Variants in TMEM132B observed in about 807,000 individuals in gnomAD.
TMEM132B encodes transmembrane protein 132B.
TMEM132B carries 18 observed loss-of-function variants against 90.8 expected under a neutral mutation model. That is an observed-to-expected ratio of 0.20 (90% confidence interval 0.14 to 0.29). TMEM132B has a LOEUF of 0.29. TMEM132B is among the 10% of genes least tolerant of loss of function. The pLI is 1.00. For synonymous variants in TMEM132B, 504 were observed against 523.3 expected (o/e 0.96, Z 0.50); for missense variants, 1,096 against 1,326.8 (o/e 0.83, Z 2.70).
intron 3 of TMEM132B, among the ~76,000 whole-genome samples, chr12:125,471,341 A>G (rs185032537): frequency 5.9e-5 from 9 of 152,354 alleles, no homozygotes; most frequent in Admixed American, 1.3e-4. Flanking sequence ...CTATGAACAC[A>G]GACTTTGGCC....
chr12:125,295,858 C>T (rs774222356), intron 1 of TMEM132B, among the ~76,000 whole-genome samples: 2 of 152,154 alleles, frequency 1.3e-5, no homozygotes, highest in African/African-American at 2.4e-5. Context: ...TTAAATAAAA[C>T]GATGCATAAC....
intron 4 of TMEM132B, among the ~76,000 whole-genome samples, chr12:125,546,952 C>T (rs998245733): frequency 2.0e-5 from 3 of 152,176 alleles, no homozygotes; most frequent in African/African-American, 7.2e-5. Context: ...GAAGGCACCT[C>T]TTCACAGGGC....
intron 1 of TMEM132B, among the ~76,000 whole-genome samples, chr12:125,270,118 G>A (rs1434363635): frequency 1.3e-5 from 2 of 149,190 alleles, no homozygotes; most frequent in Non-Finnish European, 3.0e-5. Flanking sequence ...TTTGTTGTGT[G>A]TGTGTGTGTG....
At chr12:125,652,374 C>T in intron 7 of TMEM132B, 67 bp from the exon 8 acceptor site, 2 of 1,442,084 alleles carry the variant, frequency 1.4e-6, no homozygotes, top group Admixed American at 2.4e-5. Context: ...TGTTGGGAGC[C>T]CCAGTTAAGG....
chr12:125,315,165 T>C (rs1876231338), intron 1 of TMEM132B, among the ~76,000 whole-genome samples: 1 of 152,264 alleles, frequency 6.6e-6, no homozygotes, highest in Admixed American at 6.5e-5. Flanking sequence ...CTGATGATGC[T>C]GTGCCTACGC....
chr12:125,620,681 C>T (rs554201130), intron 5 of TMEM132B, among the ~76,000 whole-genome samples: 1 of 152,340 alleles, frequency 6.6e-6, no homozygotes, highest in Non-Finnish European at 1.5e-5. Flanking sequence ...CACAGTTCAG[C>T]ATGCCTGGGA....
intron 3 of TMEM132B, among the ~76,000 whole-genome samples, chr12:125,433,513 T>A (rs1450591823): frequency 2.6e-5 from 3 of 116,798 alleles, no homozygotes; most frequent in Non-Finnish European, 4.9e-5. Context: ...TTTTCTTTTT[T>A]TTTTTTTGTC....
At chr12:125,424,964 G>A (rs558364664) in intron 3 of TMEM132B, among the ~76,000 whole-genome samples, 50 of 152,288 alleles carry the variant, frequency 3.3e-4, no homozygotes, top group African/African-American at 1.2e-3. Flanking sequence ...CCACATATCA[G>A]GGGTGGGAGA....
chr12:125,629,819 A>G (rs112789704), intron 5 of TMEM132B, among the ~76,000 whole-genome samples: 28 of 151,988 alleles, frequency 1.8e-4, no homozygotes, highest in African/African-American at 6.0e-4. Context: ...TTCCTTGTAT[A>G]CTCAGTTTTT....
chr12:125,219,932 G>A (rs1293090790), intron 1 of TMEM132B, among the ~76,000 whole-genome samples: 2 of 152,142 alleles, frequency 1.3e-5, no homozygotes, highest in South Asian at 2.1e-4. Flanking sequence ...CATCAATAGC[G>A]ACAGCTAACA....
At chr12:125,356,091 C>T (rs1157379026) in intron 2 of TMEM132B, among the ~76,000 whole-genome samples, 1 of 152,118 alleles carries the variant, frequency 6.6e-6, no homozygotes, top group Non-Finnish European at 1.5e-5. Context: ...TGAAATTCTG[C>T]CCCCTCCAAA....
intron 3 of TMEM132B, among the ~76,000 whole-genome samples, chr12:125,446,544 C>T (rs1881009958): frequency 6.6e-6 from 1 of 152,094 alleles, no homozygotes; most frequent in East Asian, 1.9e-4. Context: ...GACCTTTAGT[C>T]TCTTCTAGAC....
At chr12:125,398,445 T>C (rs1879224910) in intron 2 of TMEM132B, among the ~76,000 whole-genome samples, 1 of 152,166 alleles carries the variant, frequency 6.6e-6, no homozygotes, top group Admixed American at 6.5e-5. Flanking sequence ...TCTAAGTCAA[T>C]GCAGAGAAAA....
chr12:125,454,177 AT>A (rs1308754765), intron 3 of TMEM132B, among the ~76,000 whole-genome samples: 1 of 152,178 alleles, frequency 6.6e-6, no homozygotes, highest in African/African-American at 2.4e-5. Context: ...CAAAGTTATC[AT>A]TATGACAACT....
intron 1 of TMEM132B, among the ~76,000 whole-genome samples, chr12:125,252,841 C>T (rs992379293): frequency 6.6e-5 from 10 of 152,168 alleles, no homozygotes; most frequent in African/African-American, 1.9e-4. Flanking sequence ...TCTGTGCACT[C>T]GCTGGGGAAA....
At chr12:125,417,950 G>A (rs552671817) in intron 3 of TMEM132B, among the ~76,000 whole-genome samples, 3 of 152,178 alleles carry the variant, frequency 2.0e-5, no homozygotes, top group Non-Finnish European at 2.9e-5. Flanking sequence ...GGCAGAGAGT[G>A]GGGGAGGGAT....
At chr12:125,237,189 A>G (rs1391274225) in intron 1 of TMEM132B, among the ~76,000 whole-genome samples, 2 of 152,144 alleles carry the variant, frequency 1.3e-5, no homozygotes, top group Non-Finnish European at 2.9e-5. Context: ...AGAGAGAGGT[A>G]GGTGTTCCAG....
Position 125,656,204 on chromosome 12 carries a change from G to A in TMEM132B, c.*1494G>A, listed in dbSNP as rs1887056358. 1 of 152,164 alleles carries A rather than the reference G, an allele frequency of 6.6e-6. No homozygotes were observed. Among genetic ancestry groups the A allele is most frequent in the African/African-American group, 2.4e-5 (1 of 41,444 alleles). 9.4% of individuals were successfully genotyped at this position (152,164 alleles called of 1,614,324 possible). ...TTGTATTATTGGAAATGTAGACACT[G>A]GACTAGTATGCCTCATTATGAGCTT... On this transcript the variant is annotated 3_prime_UTR_variant, in exon 9 of 9. Coordinates refer to ENST00000682704, the MANE Select transcript of TMEM132B (RefSeq NM_001366854.1).
chr12:125,214,521 G>A (rs1044271767), intron 1 of TMEM132B, among the ~76,000 whole-genome samples: 4 of 152,186 alleles, frequency 2.6e-5, no homozygotes, highest in Non-Finnish European at 4.4e-5. Context: ...CCTAGGTCAT[G>A]TGCCTTCTCC....
Sources: allele counts gnomAD v4.1 joint callset (sites outside exome capture counted in the v4.1 genomes callset), GRCh38; gene constraint gnomAD v4.1.1; transcripts MANE v1.5; gene names NCBI Gene and HGNC (gene_info 2026-07-23, HGNC 2026-07-21).